The following VAV1 variants were observed in gnomAD, a reference collection of about 807,000 sequenced individuals.
The protein encoded by VAV1 is vav guanine nucleotide exchange factor 1.
In VAV1, 33 loss-of-function variants were observed where a neutral mutation model predicts 128.1. The observed-to-expected ratio is 0.26, with a 90% CI of 0.20 to 0.34. The LOEUF is 0.34. Among genes scored for constraint, VAV1 ranks in the 10% least tolerant of loss-of-function variants. The probability of loss-of-function intolerance (pLI) is 1.00; values close to 1 mark genes in which losing one functional copy is unlikely to be tolerated. For missense variants in VAV1, 715 were observed against 1,093.7 expected (o/e 0.65, Z 4.88); for synonymous variants, 394 against 409.8 (o/e 0.96, Z 0.47).
At chr19:6,813,716 T>C (rs1404044442) in intron 1 of VAV1, among the ~76,000 whole-genome samples, 1 of 152,186 alleles carries the variant, frequency 6.6e-6, no homozygotes. Context: ...TGAAATTGGA[T>C]TAAATCTATA....
At chr19:6,798,425 C>T (rs920263230) in intron 1 of VAV1, among the ~76,000 whole-genome samples, 3 of 151,606 alleles carry the variant, frequency 2.0e-5, no homozygotes, top group African/African-American at 4.9e-5. Context: ...TTTAGGAGAT[C>T]GAGATCAGCC....
At chr19:6,795,926 G>A (rs951664696) in intron 1 of VAV1, among the ~76,000 whole-genome samples, 112 of 152,086 alleles carry the variant, frequency 7.4e-4, no homozygotes, top group African/African-American at 2.5e-3. Flanking sequence ...CTCGTGATCC[G>A]CCCGTCTCAG....
chr19:6,805,245 T>C (rs75179996), intron 1 of VAV1, among the ~76,000 whole-genome samples: 1 of 151,646 alleles, frequency 6.6e-6, no homozygotes, highest in Non-Finnish European at 1.5e-5. Context: ...GCCAACATGG[T>C]GAAACCCCGT....
chr19:6,786,396 AG>A (rs1970895045), intron 1 of VAV1, among the ~76,000 whole-genome samples: 1 of 152,174 alleles, frequency 6.6e-6, no homozygotes, highest in South Asian at 2.1e-4. Context: ...CAGGAGTTTG[AG>A]GCTGCAGTGA....
At position 6,832,290 on chromosome 19, in the gene VAV1, A is replaced by C; in HGVS notation, c.1508+90A>C. On this transcript the variant is annotated intron_variant, in intron 15 of 26. Coordinates refer to ENST00000602142, the MANE Select transcript of VAV1 (RefSeq NM_005428.4). ...GATCTAGTCCCTACTCTGTCCTGAC[A>C]TGCCATGGGACCACTCTGAACCACA... 2.4e-6 allele frequency: 3 copies of C among 1,246,984 alleles called. No individual in the cohort carries two copies. In the Admixed American group the frequency reaches 6.0e-5, roughly 25 times the overall value. 77.2% of individuals were successfully genotyped at this position (1,246,984 alleles called of 1,614,324 possible).
chr19:6,854,875 A>G (rs1041043881), intron 26 of VAV1, among the ~76,000 whole-genome samples: 1 of 152,160 alleles, frequency 6.6e-6, no homozygotes, highest in Non-Finnish European at 1.5e-5. Context: ...AAAAGGTTGT[A>G]TATGTGTTGG....
In VAV1 at chr19:6,857,230, C is replaced by G; in HGVS notation, c.*123C>G. 2 of 1,340,026 alleles carry G rather than the reference C, an allele frequency of 1.5e-6. No homozygotes were observed. Among genetic ancestry groups the G allele is most frequent in the Non-Finnish European group, 2.0e-6 (2 of 980,410 alleles). The allele number at this position is 1,340,026 out of a possible 1,614,324, so 83.0% of individuals were successfully genotyped here. On this transcript the variant is annotated 3_prime_UTR_variant, in exon 27 of 27. Transcript: ENST00000602142. ...AGACTTTGGGATGGACTGGAGGAGG[C>G]CAGCGTCCAGCTGGCGGTGCTCCCG... is the stretch of plus-strand genomic sequence containing the variant.
At chr19:6,801,839 T>A (rs944880666) in intron 1 of VAV1, among the ~76,000 whole-genome samples, 2 of 152,130 alleles carry the variant, frequency 1.3e-5, no homozygotes, top group African/African-American at 4.8e-5. Flanking sequence ...TCTTTCTTCA[T>A]CTTGGGCAGG....
In VAV1 at chr19:6,843,132, T is replaced by C; in HGVS notation, c.1981-3T>C. 6.2e-7 allele frequency: 1 copy of C among 1,614,172 alleles called. No homozygotes were observed. The highest frequency in any genetic ancestry group is 8.5e-7 in the Non-Finnish European group (1 of 1,180,030). On this transcript the variant is annotated splice_polypyrimidine_tract_variant and splice_region_variant and intron_variant, in intron 21 of 26. Coordinates refer to ENST00000602142, the MANE Select transcript of VAV1 (RefSeq NM_005428.4). ...AAGTTGGGGTCTCTCTCTGTATTCT[T>C]AGGGCCCTCCTCAGGACCTGTCTGT...
At chr19:6,856,730 G>GAA (rs1222535432) in intron 26 of VAV1, among the ~76,000 whole-genome samples, 3 of 68,852 alleles carry the variant, frequency 4.4e-5, no homozygotes, top group African/African-American at 1.5e-4. Flanking sequence ...TCTCAAAAAA[G>GAA]AAAAAAAAAA....
At position 6,822,190 on chromosome 19, in the gene VAV1, T is replaced by A; in HGVS notation, c.450-31T>A. ...GGACCCTGCTGTGATCTGGGAGAGG[T>A]CCAAGGGATCCCTGACCTCACAACC... On this transcript the variant is annotated intron_variant, in intron 4 of 26. Coordinates refer to ENST00000602142, the MANE Select transcript of VAV1 (RefSeq NM_005428.4). This position sits in a 1 kb window ranked among gnomAD's most constrained non-coding sequence, Gnocchi z 5.9. The A allele has an allele frequency of 6.5e-7, 1 of 1,549,524 alleles. No individual in the cohort carries two copies. The highest frequency in any genetic ancestry group is 1.2e-5 in the South Asian group (1 of 84,312).
Position 6,820,147 on chromosome 19 carries a change from C to T in VAV1, c.205-555C>T, listed in dbSNP as rs973660014. Among the ~76,000 whole-genome samples the T allele has an allele frequency of 1.3e-5, 2 of 152,162 alleles. No individual in the cohort carries two copies. Among genetic ancestry groups the T allele is most frequent in the Admixed American group, 6.5e-5 (1 of 15,272 alleles). ...CAGCCTGGGCAACATAGCGAGACCT[C>T]GTCTCTACAAAAAATACAGAAATTA... is the stretch of plus-strand genomic sequence containing the variant. On this transcript the variant is annotated intron_variant, in intron 1 of 26. Coordinates refer to ENST00000602142, the MANE Select transcript of VAV1 (RefSeq NM_005428.4). The surrounding 1 kb of genome is among the most constrained non-coding windows in gnomAD (Gnocchi z 4.4).
intron 26 of VAV1, among the ~76,000 whole-genome samples, chr19:6,856,730 G>GGA (rs1489997589): frequency 1.5e-5 from 1 of 68,854 alleles, no homozygotes; most frequent in Admixed American, 1.7e-4. Context: ...TCTCAAAAAA[G>GGA]AAAAAAAAAA....
Position 6,847,990 on chromosome 19 carries a change from C to T in VAV1, c.2013-8C>T, listed in dbSNP as rs1972567652. On this transcript the variant is annotated splice_polypyrimidine_tract_variant and splice_region_variant and intron_variant, in intron 22 of 26. Transcript: ENST00000602142. ...CGTGCCACCTCTGTCCTTGGTGTCTCTTTGCAGGTACGCAGGCCCCATGGA... is the reference window on the plus strand; with the variant it reads ...CGTGCCACCTCTGTCCTTGGTGTCTTTTTGCAGGTACGCAGGCCCCATGGA... 2 of 1,500,870 alleles carry T rather than the reference C, an allele frequency of 1.3e-6. No individual in the cohort carries two copies. The highest frequency in any genetic ancestry group is 1.5e-5 in the African/African-American group (1 of 68,264). The allele number at this position is 1,500,870 out of a possible 1,614,324, so 93.0% of individuals were successfully genotyped here. A position where few individuals can be genotyped will look rare whatever the true frequency, so the allele number is the denominator to read the frequency against.
At chr19:6,837,090 C>A in intron 21 of VAV1, 40 bp downstream of exon 21, 1 of 1,605,074 alleles carries the variant, frequency 6.2e-7, no homozygotes, top group Non-Finnish European at 8.5e-7. Context: ...GGCAAGGGGT[C>A]CAGGGCGGGT....
chr19:6,835,506 A>G (rs1369170392), intron 19 of VAV1, among the ~76,000 whole-genome samples: 1 of 152,130 alleles, frequency 6.6e-6, no homozygotes, highest in East Asian at 1.9e-4. Context: ...CATATCCATC[A>G]CCACAGAAAG....
intron 21 of VAV1, among the ~76,000 whole-genome samples, chr19:6,839,878 G>C (rs548317311): frequency 6.6e-6 from 1 of 151,964 alleles, no homozygotes; most frequent in Non-Finnish European, 1.5e-5. Flanking sequence ...TTTTCGTAGC[G>C]ATGGGGTTTT....
At position 6,791,119 on chromosome 19, in the gene VAV1, C is replaced by A. The variant is rs565514449; in HGVS notation, c.204+18108C>A. ...CACTTGTTATTGGATTTAGGGCCCA[C>A]CTGGATGATCCCAGATGGCCTGGGT... On this transcript the variant is annotated intron_variant, in intron 1 of 26. Transcript: ENST00000602142. Among the ~76,000 whole-genome samples the A allele has an allele frequency of 1.3e-4, 20 of 152,328 alleles. No individual in the cohort carries two copies. The South Asian group carries it at 1.4e-3, about 11-fold the overall frequency.
intron 14 of VAV1, among the ~76,000 whole-genome samples, chr19:6,830,517 G>C (rs919764733): frequency 1.3e-5 from 2 of 151,544 alleles, no homozygotes; most frequent in Non-Finnish European, 2.9e-5. Flanking sequence ...TTGGCTCACT[G>C]CAACCTCTGG....
Sources: gnomAD v4.1 joint callset for allele counts (sites outside exome capture counted in the v4.1 genomes callset) on GRCh38, gnomAD v4.1.1 for gene constraint, Gnocchi (gnomAD v3.1) non-coding constraint, MANE v1.5 for transcripts, NCBI Gene and HGNC (gene_info 2026-07-23, HGNC 2026-07-21) for gene names.